Variants in GRIN2A observed in about 807,000 individuals in gnomAD.
GRIN2A encodes the protein glutamate ionotropic receptor NMDA type subunit 2A.
A neutral mutation model predicts 113.4 loss-of-function variants in GRIN2A; 22 were observed. The observed-to-expected ratio is 0.19, with a 90% CI of 0.14 to 0.28. The LOEUF is 0.28. Among genes scored for constraint, GRIN2A ranks in the 10% least tolerant of loss-of-function variants. The probability of loss-of-function intolerance (pLI) is 1.00; values close to 1 mark genes in which losing one functional copy is unlikely to be tolerated. For missense variants in GRIN2A, 1,502 were observed against 1,887.0 expected (o/e 0.80, Z 3.78); for synonymous variants, 827 against 738.4 (o/e 1.12, Z -1.94).
chr16:10,169,957 C>A (rs903404230), intron 2 of GRIN2A, among the ~76,000 whole-genome samples: 5 of 152,066 alleles, frequency 3.3e-5, no homozygotes, highest in African/African-American at 1.2e-4. Flanking sequence ...CTGGTCAATA[C>A]AAAATAAACA....
chr16:10,127,715 G>A (rs1412187981), intron 2 of GRIN2A, among the ~76,000 whole-genome samples: 1 of 152,218 alleles, frequency 6.6e-6, no homozygotes, highest in Non-Finnish European at 1.5e-5. Context: ...ATTGATGGAT[G>A]AATTCAGGCA....
At chr16:9,868,759 T>G (rs2043206296) in intron 4 of GRIN2A, among the ~76,000 whole-genome samples, 1 of 152,140 alleles carries the variant, frequency 6.6e-6, no homozygotes. Context: ...AACTCCTGGT[T>G]CCAGCCCTGC....
At chr16:9,868,556 C>T (rs1019039123) in intron 4 of GRIN2A, among the ~76,000 whole-genome samples, 6 of 152,158 alleles carry the variant, frequency 3.9e-5, no homozygotes, top group Admixed American at 1.3e-4. Flanking sequence ...CATGAGCCAC[C>T]GTGCCTAGCC....
At chr16:9,953,628 A>G (rs77468674) in intron 2 of GRIN2A, among the ~76,000 whole-genome samples, 4,203 of 152,220 alleles carry the variant, frequency 0.028, 82 homozygotes, top group African/African-American at 0.042. Flanking sequence ...GCATCCCCTA[A>G]CAAAAGAAGG....
chr16:10,016,917 C>T (rs1032117894), intron 2 of GRIN2A, among the ~76,000 whole-genome samples: 1 of 152,202 alleles, frequency 6.6e-6, no homozygotes, highest in Non-Finnish European at 1.5e-5. Context: ...CCTCCTCTGC[C>T]AAATCTTCAA....
chr16:10,152,434 A>C (rs1409564807), intron 2 of GRIN2A, among the ~76,000 whole-genome samples: 1 of 152,060 alleles, frequency 6.6e-6, no homozygotes, highest in Non-Finnish European at 1.5e-5. Flanking sequence ...TGATGGTTCA[A>C]CTCCATGGAT....
intron 2 of GRIN2A, 69 bp from the exon 3 acceptor site, chr16:9,938,620 T>C (rs982778455): frequency 9.3e-7 from 1 of 1,078,668 alleles, no homozygotes; most frequent in African/African-American, 1.5e-5. Flanking sequence ...ACAAACTGCG[T>C]CCTAGAAGTA....
chr16:9,792,708 G>A (rs1434190839), intron 11 of GRIN2A, among the ~76,000 whole-genome samples: 2 of 152,184 alleles, frequency 1.3e-5, no homozygotes, highest in Admixed American at 6.5e-5. Context: ...TGTCAGGGAT[G>A]AGTAATGTCT....
At chr16:9,998,257 A>G (rs2046260581) in intron 2 of GRIN2A, among the ~76,000 whole-genome samples, 1 of 152,198 alleles carries the variant, frequency 6.6e-6, no homozygotes, top group South Asian at 2.1e-4. Context: ...TAAGAGTGGC[A>G]TGAACCTCGA....
chr16:10,053,326 T>C (rs989233088), intron 2 of GRIN2A, among the ~76,000 whole-genome samples: 18 of 152,206 alleles, frequency 1.2e-4, no homozygotes, highest in Non-Finnish European at 1.6e-4. Flanking sequence ...GAAGATAATA[T>C]ATTTTGTTGA....
rs138809301 is a variant in GRIN2A at position 9,764,354 on chromosome 16, T to G, written c.3190A>C (p.Thr1064Pro). Residue 1064 changes from threonine (T) to proline (P), a missense_variant, in exon 13 of 13, where the codon ACG (threonine) becomes CCG (proline). By Grantham distance (38) the Thr-to-Pro change is conservative. Around this residue, in one of 7 missense-constraint regions of GRIN2A, gnomAD observed 832 missense variants for 789.7 expected, o/e 1.05. Transcript: ENST00000330684. ...EEMAHSDISE[T>P]SNRATCHREP... ...CTGTGGCACGTGGCCCGATTTGACG[T>G]TTCTGAAATGTCAGAGTGGGCCATC... 3 of 1,614,160 alleles carry G rather than the reference T, an allele frequency of 1.9e-6. No individual in the cohort carries two copies. Among genetic ancestry groups the G allele is most frequent in the East Asian group, 2.2e-5 (1 of 44,872 alleles).
intron 11 of GRIN2A, among the ~76,000 whole-genome samples, chr16:9,784,571 A>G (rs1233635213): frequency 6.6e-6 from 1 of 152,162 alleles, no homozygotes; most frequent in Non-Finnish European, 1.5e-5. Context: ...AATGGCAACA[A>G]AAGCCAAAAT....
At chr16:9,819,623 T>C (rs2141288384) in intron 10 of GRIN2A, among the ~76,000 whole-genome samples, 1 of 152,238 alleles carries the variant, frequency 6.6e-6, no homozygotes, top group Non-Finnish European at 1.5e-5. Flanking sequence ...CCAGTAATGA[T>C]AACTGCTGTG....
intron 2 of GRIN2A, among the ~76,000 whole-genome samples, chr16:10,019,816 T>C (rs965552191): frequency 6.6e-6 from 1 of 152,210 alleles, no homozygotes; most frequent in East Asian, 1.9e-4. Flanking sequence ...GACCAAAGGG[T>C]ACCAACTCTC....
intron 2 of GRIN2A, among the ~76,000 whole-genome samples, chr16:9,980,258 G>A (rs1416324625): frequency 6.7e-6 from 1 of 149,682 alleles, no homozygotes; most frequent in Admixed American, 6.6e-5. Context: ...GGACAACAGA[G>A]ACTGTCTCAA....
At chr16:10,025,066 G>C (rs537109199) in intron 2 of GRIN2A, among the ~76,000 whole-genome samples, 1 of 151,974 alleles carries the variant, frequency 6.6e-6, no homozygotes, top group Admixed American at 6.6e-5. Context: ...GAGAGGAATC[G>C]AGAGATGAGA....
At chr16:9,832,618 A>T (rs1011910772) in intron 8 of GRIN2A, among the ~76,000 whole-genome samples, 1 of 151,888 alleles carries the variant, frequency 6.6e-6, no homozygotes, top group Non-Finnish European at 1.5e-5. Context: ...CGTAGTACCC[A>T]TTTGATAAAT....
In GRIN2A at chr16:9,754,898, G is replaced by C. The variant is rs1900294496; in HGVS notation, c.*8251C>G. On this transcript the variant is annotated 3_prime_UTR_variant, in exon 13 of 13. Transcript: ENST00000330684. ...GAAACAGCAAAATGTCAGATCAATG[G>C]GAAGCATTTAAAATGCCAAAGACAA... The C allele has an allele frequency of 9.0e-6, 2 of 223,460 alleles. No individual in the cohort carries two copies. The allele number at this position is 223,460 out of a possible 1,614,324, so 13.8% of individuals were successfully genotyped here. A position where few individuals can be genotyped will look rare whatever the true frequency, so the allele number is the denominator to read the frequency against.
chr16:10,022,097 T>A (rs1386539271), intron 2 of GRIN2A, among the ~76,000 whole-genome samples: 1 of 149,664 alleles, frequency 6.7e-6, no homozygotes, highest in East Asian at 2.0e-4. Context: ...TCTTTCCCTA[T>A]CCCCTTCACC....
Sources: gnomAD v4.1 joint callset for allele counts (sites outside exome capture counted in the v4.1 genomes callset) on GRCh38, gnomAD v4.1.1 for gene constraint, gnomAD v4.1.1 regional missense constraint, MANE v1.5 for transcripts, NCBI Gene and HGNC (gene_info 2026-07-23, HGNC 2026-07-21) for gene names.